FSHR: variants seen among roughly 807,000 people sequenced by gnomAD.
The protein encoded by FSHR is follicle stimulating hormone receptor.
A neutral mutation model predicts 52.1 loss-of-function variants in FSHR; 46 were observed. The observed-to-expected ratio is 0.88, with a 90% CI of 0.70 to 1.13. The LOEUF (loss-of-function observed/expected upper bound fraction) is 1.13, where lower values mean the gene tolerates loss of function less well. FSHR is among the 50% of genes most tolerant of loss of function. The probability of loss-of-function intolerance (pLI) is 0.00; values close to 1 mark genes in which losing one functional copy is unlikely to be tolerated. For missense variants in FSHR, 964 were observed against 834.6 expected (o/e 1.16, Z -1.91); for synonymous variants, 399 against 309.6 (o/e 1.29, Z -3.03).
chr2:49,113,259 C>T (rs754344228), intron 1 of FSHR, among the ~76,000 whole-genome samples: 9 of 152,178 alleles, frequency 5.9e-5, no homozygotes, highest in Admixed American at 6.5e-5. Context: ...CATTGCTTAT[C>T]TCATCGCCAA....
rs1165358540 is a variant in FSHR, at chr2:49,059,264, G to GA, written c.224+8954dup. ...AACAATGCCGTCATTCACAGAAGTA[G>GA]AAAAAAAAATTTAAATTTGTACGGA... is the stretch of plus-strand genomic sequence containing the variant. On this transcript the variant is annotated intron_variant, in intron 2 of 9. Coordinates refer to ENST00000406846, the MANE Select transcript of FSHR (RefSeq NM_000145.4). 4.6e-5 allele frequency among the ~76,000 whole-genome samples: 7 copies of GA among 151,020 alleles called. No homozygotes were observed. The East Asian group carries it at 7.7e-4, about 17-fold the overall frequency.
chr2:49,035,671 A>C (rs998996120), intron 2 of FSHR, among the ~76,000 whole-genome samples: 2 of 152,236 alleles, frequency 1.3e-5, no homozygotes, highest in African/African-American at 4.8e-5. Flanking sequence ...AAGGGACCTA[A>C]GAGATTATTT....
chr2:48,979,424 A>G (rs1022974471), intron 8 of FSHR, among the ~76,000 whole-genome samples: 4 of 151,340 alleles, frequency 2.6e-5, no homozygotes, highest in African/African-American at 9.7e-5. Flanking sequence ...ATGGGTGATT[A>G]AAAAAAACCA....
At chr2:49,000,968 C>G (rs6733819) in intron 4 of FSHR, among the ~76,000 whole-genome samples, 115,003 of 152,072 alleles carry the variant, frequency 0.76, 43,603 homozygotes, top group Admixed American at 0.81. Flanking sequence ...TGAAAATAAA[C>G]TAGCCTTATT....
intron 2 of FSHR, among the ~76,000 whole-genome samples, chr2:49,048,184 C>A (rs897778813): frequency 6.6e-6 from 1 of 151,926 alleles, no homozygotes; most frequent in Non-Finnish European, 1.5e-5. Context: ...TCGTGGCCAG[C>A]CTGTATAGCT....
intron 8 of FSHR, among the ~76,000 whole-genome samples, chr2:48,978,187 A>C (rs990829896): frequency 6.6e-6 from 1 of 152,180 alleles, no homozygotes; most frequent in Non-Finnish European, 1.5e-5. Flanking sequence ...GAGAGGCAGG[A>C]GTTAAAAAGC....
intron 1 of FSHR, among the ~76,000 whole-genome samples, chr2:49,084,605 A>G: frequency 6.6e-6 from 1 of 152,226 alleles, no homozygotes; most frequent in Non-Finnish European, 1.5e-5. Context: ...TAGCAAGACT[A>G]ATAAAGAAAA....
At chr2:49,004,796 A>G (rs1025768236) in intron 4 of FSHR, among the ~76,000 whole-genome samples, 6 of 152,148 alleles carry the variant, frequency 3.9e-5, no homozygotes, top group South Asian at 2.1e-4. Flanking sequence ...ACTTGTCCTT[A>G]TATCTGATTT....
chr2:49,086,681 C>T (rs910931787), intron 1 of FSHR, among the ~76,000 whole-genome samples: 2 of 152,120 alleles, frequency 1.3e-5, no homozygotes, highest in African/African-American at 4.8e-5. Flanking sequence ...TGCTCTTTTG[C>T]CGAGGCTGGA....
At chr2:49,128,691 C>G (rs552428180) in intron 1 of FSHR, among the ~76,000 whole-genome samples, 98 of 142,650 alleles carry the variant, frequency 6.9e-4, no homozygotes, top group Non-Finnish European at 1.2e-3. Flanking sequence ...TTTTTTTTTT[C>G]TATAAAAATG....
intron 2 of FSHR, chr2:49,059,475 C>T (rs754543460): frequency 4.0e-5 from 6 of 151,680 alleles, no homozygotes; most frequent in African/African-American, 7.3e-5. Flanking sequence ...AATTAATGCA[C>T]GTATCTATAG....
chr2:49,066,572 C>A (rs553529299), intron 2 of FSHR, among the ~76,000 whole-genome samples: 1 of 151,958 alleles, frequency 6.6e-6, no homozygotes, highest in African/African-American at 2.4e-5. Flanking sequence ...TTTGGTGTAT[C>A]GCTGTGCCAG....
intron 1 of FSHR, among the ~76,000 whole-genome samples, chr2:49,103,298 C>G (rs969693643): frequency 1.3e-5 from 2 of 152,164 alleles, no homozygotes; most frequent in Non-Finnish European, 2.9e-5. Context: ...AAGATCCTCT[C>G]TTCTGTAGAA....
At chr2:48,965,662 T>C (rs1284770470) in intron 9 of FSHR, among the ~76,000 whole-genome samples, 1 of 152,208 alleles carries the variant, frequency 6.6e-6, no homozygotes, top group East Asian at 1.9e-4. Context: ...GACTTAACTC[T>C]CTAGAAACAG....
intron 1 of FSHR, among the ~76,000 whole-genome samples, chr2:49,089,419 T>C (rs1194144815): frequency 6.6e-6 from 1 of 152,152 alleles, no homozygotes. Flanking sequence ...ACAGAGCAAG[T>C]CCTGAATAAA....
intron 2 of FSHR, among the ~76,000 whole-genome samples, chr2:49,028,579 C>G (rs1307543130): frequency 1.3e-5 from 2 of 152,194 alleles, no homozygotes; most frequent in East Asian, 3.8e-4. Context: ...AAATCAATTT[C>G]CCTCCTCTTA....
intron 8 of FSHR, 67 bp downstream of exon 8, chr2:48,982,845 G>T: frequency 7.4e-7 from 1 of 1,344,030 alleles, no homozygotes; most frequent in Non-Finnish European, 1.1e-6. Context: ...TCCCCTAGCT[G>T]CAGAGAGTTG....
intron 8 of FSHR, 142 bp from the exon 9 acceptor site, chr2:48,969,025 G>T (rs990045130): frequency 3.9e-6 from 3 of 764,352 alleles, no homozygotes; most frequent in African/African-American, 1.7e-5. Flanking sequence ...AACACACCTT[G>T]GCCAGATGGA....
At chr2:49,145,098 T>C (rs1672822045) in intron 1 of FSHR, among the ~76,000 whole-genome samples, 1 of 152,054 alleles carries the variant, frequency 6.6e-6, no homozygotes, top group South Asian at 2.1e-4. Context: ...GGGTAAACTT[T>C]TACCCAACAG....
Sources: gnomAD v4.1 joint callset for allele counts (sites outside exome capture counted in the v4.1 genomes callset) on GRCh38, gnomAD v4.1.1 for gene constraint, MANE v1.5 for transcripts, NCBI Gene and HGNC (gene_info 2026-07-23, HGNC 2026-07-21) for gene names.